STAG2: variants seen among roughly 807,000 people sequenced by gnomAD.
The protein encoded by STAG2 is STAG2 cohesin complex component.
Under a neutral mutation model 108.1 loss-of-function variants are expected in STAG2, and 14 were observed. The ratio of observed to expected loss-of-function variants is 0.13; its 90% confidence interval spans 0.09 to 0.20. The LOEUF is 0.20. STAG2 is among the 10% of genes least tolerant of loss of function. The pLI, the probability that STAG2 is intolerant of heterozygous loss-of-function variation, is 1.00. For missense variants in STAG2, 440 were observed against 940.9 expected, an observed-to-expected ratio of 0.47 and a Z score of 6.96; for synonymous variants, 307 against 302.7, an observed-to-expected ratio of 1.01 and a Z score of -0.15.
intron 29 of STAG2, among the ~76,000 whole-genome samples, chrX:124,084,134 G>A (rs1276011875): frequency 2.7e-5 from 3 of 111,890 alleles, no homozygotes; most frequent in Non-Finnish European, 5.6e-5. Context: ...GCTTTGAGGT[G>A]TAAAAGGGCA....
At chrX:124,082,672 G>T (rs2058992436) in intron 28 of STAG2, among the ~76,000 whole-genome samples, 1 of 111,003 alleles carries the variant, frequency 9.0e-6, no homozygotes, top group Admixed American at 9.6e-5. Flanking sequence ...AGGATTATAG[G>T]TGTGAACCAC....
intron 6 of STAG2, among the ~76,000 whole-genome samples, chrX:124,041,476 GA>G (rs1002034971): frequency 6.6e-4 from 73 of 110,307 alleles, no homozygotes; most frequent in African/African-American, 2.2e-3. Flanking sequence ...CTGGTCAATT[GA>G]AAAAAATCTA....
chrX:124,058,089 A>C, intron 15 of STAG2, 112 bp downstream of exon 15: 1 of 334,521 alleles, frequency 3.0e-6, no homozygotes, highest in African/African-American at 2.8e-5. Context: ...TGTGAATAGA[A>C]TGGAGAGCCA....
At chrX:124,051,723 T>C (rs2058046659) in intron 13 of STAG2, among the ~76,000 whole-genome samples, 1 of 110,317 alleles carries the variant, frequency 9.1e-6, no homozygotes, top group Non-Finnish European at 1.9e-5. Context: ...CCCGAGTAGC[T>C]GGGACTACAG....
chrX:124,100,883 T>TTA lies in STAG2; in HGVS notation c.*286_*287insTA. The stretch of plus-strand genomic sequence containing the variant: ...GAATCGATTATTTCATGCTTTTTTT[T>TTA]AAAAAAAAAAAAAAACAAAATAACA... On this transcript the variant is annotated 3_prime_UTR_variant, in exon 35 of 35. Coordinates refer to ENST00000371145, the MANE Select transcript of STAG2 (RefSeq NM_001042750.2). 1 of 170,230 alleles carries TTA rather than the reference T, an allele frequency of 5.9e-6. No individual in the cohort carries two copies. Among genetic ancestry groups the TTA allele is most frequent in the Non-Finnish European group, 1.1e-5 (1 of 93,977 alleles). 14.0% of individuals were successfully genotyped at this position (170,230 alleles called of 1,213,427 possible).
chrX:124,088,271 T>C (rs1378791250), intron 30 of STAG2, among the ~76,000 whole-genome samples: 2 of 110,599 alleles, frequency 1.8e-5, no homozygotes, highest in East Asian at 5.6e-4. Flanking sequence ...GAAACACATA[T>C]GAATTGGTAT....
chrX:124,011,038 C>T (rs1569502421), intron 1 of STAG2, among the ~76,000 whole-genome samples: 1 of 111,159 alleles, frequency 9.0e-6, no homozygotes, highest in East Asian at 2.8e-4. Flanking sequence ...CACAGGATGC[C>T]TTTCTATTTG....
rs2057382928 is a variant in STAG2 at position 124,032,629 on chromosome X, A to G, written c.288+1504A>G. ...AGTCCGCAGTGTCTATGTTTTCCACATTTGTGTCCACATGTGCTCAATATT... is the reference window on the plus strand; with the variant it reads ...AGTCCGCAGTGTCTATGTTTTCCACGTTTGTGTCCACATGTGCTCAATATT... On this transcript the variant is annotated intron_variant, in intron 5 of 34. Coordinates refer to ENST00000371145, the MANE Select transcript of STAG2 (RefSeq NM_001042750.2). Among the ~76,000 whole-genome samples, 8 of 110,948 alleles carry G rather than the reference A, an allele frequency of 7.2e-5. 1 individual carries two copies. Among genetic ancestry groups the G allele is most frequent in the Admixed American group, 4.8e-4 (5 of 10,382 alleles).
chrX:124,056,395 T>A (rs2058196263), intron 14 of STAG2, among the ~76,000 whole-genome samples, 160 bp downstream of exon 14: 1 of 111,252 alleles, frequency 9.0e-6, no homozygotes, highest in Admixed American at 9.6e-5. Context: ...TTTAAAAGTT[T>A]AGATTTCTCC....
chrX:124,080,829 C>A (rs1356280625), intron 27 of STAG2, among the ~76,000 whole-genome samples: 1 of 112,006 alleles, frequency 8.9e-6, no homozygotes, highest in Non-Finnish European at 1.9e-5. Context: ...TATAGATAGA[C>A]CACAATTTAA....
chrX:123,979,024 C>T (rs1486758015), intron 1 of STAG2, among the ~76,000 whole-genome samples: 1 of 111,081 alleles, frequency 9.0e-6, no homozygotes, highest in African/African-American at 3.3e-5. Flanking sequence ...AGGTAATATA[C>T]TACCTTTAGT....
rs966291508 is a variant in STAG2, at chrX:124,102,508, G to A, written c.*1911G>A. 2.6e-5 allele frequency: 4 copies of A among 152,472 alleles called. No individual in the cohort carries two copies. Among genetic ancestry groups the A allele is most frequent in the Non-Finnish European group, 5.1e-5 (4 of 77,762 alleles). 12.6% of individuals were successfully genotyped at this position (152,472 alleles called of 1,213,427 possible). A position where few individuals can be genotyped will look rare whatever the true frequency, so the allele number is the denominator to read the frequency against. On this transcript the variant is annotated 3_prime_UTR_variant, in exon 35 of 35. Coordinates refer to ENST00000371145, the MANE Select transcript of STAG2 (RefSeq NM_001042750.2). The stretch of plus-strand genomic sequence containing the variant: ...AAAATAAACCTACAGTATGTTGTAT[G>A]TTTTCTCTTGTACTCAAAGGGGGAG...
rs2057990803 is a variant in STAG2 at position 124,050,098 on chromosome X, T to G, written c.894-88T>G. On this transcript the variant is annotated intron_variant, in intron 10 of 34. Coordinates refer to ENST00000371145, the MANE Select transcript of STAG2 (RefSeq NM_001042750.2). ...AAGATAATGTCATATTCATAGTAGA[T>G]CTGAAGTACTTGGCATCTCTTGAAT... is the stretch of plus-strand genomic sequence containing the variant. 13 of 1,009,622 alleles carry G rather than the reference T, an allele frequency of 1.3e-5. No individual in the cohort carries two copies. The South Asian group carries it at 2.9e-4, about 23-fold the overall frequency. 83.2% of individuals were successfully genotyped at this position (1,009,622 alleles called of 1,213,427 possible). A position where few individuals can be genotyped will look rare whatever the true frequency, so the allele number is the denominator to read the frequency against.
chrX:124,057,986 A>G lies in STAG2; in HGVS notation c.1416+9A>G. ...TCTTTCTAGAAAGTGAGGTTAGTTG[A>G]TAGTATTTATTTTATACTTAGGTTC... On this transcript the variant is annotated intron_variant, in intron 15 of 34. Coordinates refer to ENST00000371145, the MANE Select transcript of STAG2 (RefSeq NM_001042750.2). The G allele has an allele frequency of 8.8e-7, 1 of 1,130,191 alleles. No homozygotes were observed. Among genetic ancestry groups the G allele is most frequent in the Non-Finnish European group, 1.2e-6 (1 of 840,797 alleles). 93.1% of individuals were successfully genotyped at this position (1,130,191 alleles called of 1,213,427 possible).
Position 124,059,687 on chromosome X carries a change from G to A in STAG2, c.1417-1537G>A, listed in dbSNP as rs768108195. 4.5e-5 allele frequency among the ~76,000 whole-genome samples: 5 copies of A among 111,487 alleles called. No homozygotes were observed. The East Asian group carries it at 1.4e-3, about 31-fold the overall frequency. On this transcript the variant is annotated intron_variant, in intron 15 of 34. Coordinates refer to ENST00000371145, the MANE Select transcript of STAG2 (RefSeq NM_001042750.2). ...TTATTTTATTTTTTTAAGCAACAGT[G>A]TCTTGCTCTGTCACTCAGCCTGAAG...
At chrX:124,019,304 C>G (rs971498857) in intron 1 of STAG2, among the ~76,000 whole-genome samples, 1 of 110,481 alleles carries the variant, frequency 9.1e-6, no homozygotes, top group Non-Finnish European at 1.9e-5. Context: ...ATCCGCCTGC[C>G]TTGGCCTCCC....
At chrX:124,033,993 T>A (rs1281049665) in intron 5 of STAG2, among the ~76,000 whole-genome samples, 2 of 111,275 alleles carry the variant, frequency 1.8e-5, no homozygotes, top group African/African-American at 6.5e-5. Context: ...ATCTATAGGC[T>A]CCACTTCTTA....
intron 1 of STAG2, among the ~76,000 whole-genome samples, chrX:123,997,015 A>C (rs994773368): frequency 2.7e-5 from 3 of 112,295 alleles, no homozygotes; most frequent in Non-Finnish European, 5.6e-5. Context: ...TCTTCATTGA[A>C]TTGCCTTGGC....
At chrX:124,017,107 G>T (rs959375155) in intron 1 of STAG2, among the ~76,000 whole-genome samples, 9 of 111,100 alleles carry the variant, frequency 8.1e-5, no homozygotes, top group Non-Finnish European at 1.5e-4. Context: ...GTGCTCTCCA[G>T]TAATATATTA....
Sources: gnomAD v4.1 joint callset for allele counts (sites outside exome capture counted in the v4.1 genomes callset) on GRCh38, gnomAD v4.1.1 for gene constraint, MANE v1.5 for transcripts, NCBI Gene and HGNC (gene_info 2026-07-23, HGNC 2026-07-21) for gene names.